TIAM1: variants seen among roughly 807,000 people sequenced by gnomAD.
The protein encoded by TIAM1 is rho guanine nucleotide exchange factor TIAM1.
TIAM1 carries 65 observed loss-of-function variants against 163.5 expected under a neutral mutation model. The observed-to-expected ratio is 0.40, with a 90% CI of 0.33 to 0.49. The LOEUF (loss-of-function observed/expected upper bound fraction) is 0.49, where lower values mean the gene tolerates loss of function less well. TIAM1 is among the 20% of genes least tolerant of loss of function. TIAM1 has a pLI of 0.77. For missense variants in TIAM1, 1,789 were observed against 2,044.7 expected, an observed-to-expected ratio of 0.87 and a Z score of 2.41; for synonymous variants, 833 against 810.1, an observed-to-expected ratio of 1.03 and a Z score of -0.48.
At chr21:31,339,523 G>A (rs2075953407) in intron 1 of TIAM1, 101 bp from the exon 2 acceptor site, 2 of 397,052 alleles carry the variant, frequency 5.0e-6, no homozygotes. Flanking sequence ...TGATAACACA[G>A]GAAAAGTACC....
intron 1 of TIAM1, among the ~76,000 whole-genome samples, chr21:31,508,387 CTT>C (rs200164021): frequency 0.047 from 5,901 of 126,412 alleles, 401 homozygotes; most frequent in African/African-American, 0.16. Flanking sequence ...ATTGAAATTT[CTT>C]TTTTTTTTTT....
chr21:31,254,550 G>T (rs2071988107), intron 4 of TIAM1, among the ~76,000 whole-genome samples: 1 of 152,106 alleles, frequency 6.6e-6, no homozygotes, highest in South Asian at 2.1e-4. Context: ...AAAAAAATCA[G>T]CCACACATGG....
chr21:31,382,813 T>C (rs374014407), intron 2 of TIAM1, among the ~76,000 whole-genome samples: 2 of 152,174 alleles, frequency 1.3e-5, no homozygotes, highest in East Asian at 1.9e-4. Flanking sequence ...CAACGACCCA[T>C]GTGTCATTAT....
chr21:31,437,721 C>G (rs1167127106), intron 2 of TIAM1, among the ~76,000 whole-genome samples: 2 of 152,050 alleles, frequency 1.3e-5, no homozygotes, highest in African/African-American at 4.8e-5. Context: ...CACCCTCTCT[C>G]TCTCTTCCAC....
chr21:31,125,343 G>A (rs1407777418), intron 26 of TIAM1, among the ~76,000 whole-genome samples: 1 of 151,962 alleles, frequency 6.6e-6, no homozygotes, highest in Non-Finnish European at 1.5e-5. Context: ...CATCCGTGTA[G>A]GCAGGGCTAC....
At chr21:31,188,018 C>A (rs941285326) in intron 13 of TIAM1, among the ~76,000 whole-genome samples, 1 of 151,774 alleles carries the variant, frequency 6.6e-6, no homozygotes, top group Non-Finnish European at 1.5e-5. Flanking sequence ...AGATACCCAT[C>A]GTAATGCTGA....
intron 1 of TIAM1, among the ~76,000 whole-genome samples, chr21:31,343,483 G>C (rs1280372990): frequency 6.6e-6 from 1 of 152,064 alleles, no homozygotes; most frequent in Non-Finnish European, 1.5e-5. Context: ...CAGAAAGACA[G>C]ACATTTAAAA....
At chr21:31,322,678 T>A (rs974603299) in intron 2 of TIAM1, among the ~76,000 whole-genome samples, 12 of 152,174 alleles carry the variant, frequency 7.9e-5, no homozygotes, top group African/African-American at 2.9e-4. Context: ...TTCTGTCACC[T>A]CCGCCACACT....
At chr21:31,497,250 T>C (rs553849752) in intron 1 of TIAM1, among the ~76,000 whole-genome samples, 1 of 152,368 alleles carries the variant, frequency 6.6e-6, no homozygotes, top group South Asian at 2.1e-4. Context: ...TCTCAGAACA[T>C]ATCCCAAGCG....
chr21:31,461,153 T>C (rs1318052060), intron 2 of TIAM1, among the ~76,000 whole-genome samples: 1 of 152,126 alleles, frequency 6.6e-6, no homozygotes, highest in African/African-American at 2.4e-5. Flanking sequence ...AGCTTTACTC[T>C]GTAAAAGAAG....
rs557243128 is a variant in TIAM1, at chr21:31,275,825, G to T, written c.-12+907C>A. ...TATTCAAGTTAACTGTGAAAGCAAG[G>T]TTTCTCTGTCGTTGGGAAGGACATT... On this transcript the variant is annotated intron_variant, in intron 3 of 27. Coordinates refer to ENST00000541036, the MANE Select transcript of TIAM1 (RefSeq NM_001353694.2). Among the ~76,000 whole-genome samples, 8 of 152,248 alleles carry T rather than the reference G, an allele frequency of 5.3e-5. No homozygotes were observed. In the East Asian group the frequency reaches 1.4e-3, roughly 26 times the overall value.
Position 31,141,613 on chromosome 21 carries a change from G to C in TIAM1, c.3476-109C>G, listed in dbSNP as rs551872787. ...CCAAGGTGCCTTTTTGCAGGACTGA[G>C]CAGAGAGTGGGTGGCAGGAAGAGGG... On this transcript the variant is annotated intron_variant, in intron 20 of 27. Transcript: ENST00000541036. The surrounding 1 kb of genome is among the most constrained non-coding windows in gnomAD (Gnocchi z 4.7). 7.9e-7 allele frequency: 1 copy of C among 1,270,944 alleles called. No individual in the cohort carries two copies. Among genetic ancestry groups the C allele is most frequent in the African/African-American group, 1.5e-5 (1 of 67,444 alleles). 78.7% of individuals were successfully genotyped at this position (1,270,944 alleles called of 1,614,324 possible). A position where few individuals can be genotyped will look rare whatever the true frequency, so the allele number is the denominator to read the frequency against.
chr21:31,485,526 G>A (rs1431303905), intron 1 of TIAM1, among the ~76,000 whole-genome samples: 1 of 152,112 alleles, frequency 6.6e-6, no homozygotes, highest in Admixed American at 6.6e-5. Context: ...CGCTAACTCT[G>A]GGATAACAGA....
intron 2 of TIAM1, among the ~76,000 whole-genome samples, chr21:31,297,659 C>T (rs2074335596): frequency 6.6e-6 from 1 of 152,230 alleles, no homozygotes; most frequent in Non-Finnish European, 1.5e-5. Context: ...GCTGGGATTA[C>T]AGGCATGAGC....
intron 2 of TIAM1, among the ~76,000 whole-genome samples, chr21:31,314,962 T>C (rs1433721263): frequency 6.6e-6 from 1 of 152,224 alleles, no homozygotes; most frequent in East Asian, 1.9e-4. Context: ...CTACCAGCTT[T>C]ATAAAGGTGG....
intron 14 of TIAM1, among the ~76,000 whole-genome samples, chr21:31,186,357 T>C: frequency 6.6e-6 from 1 of 152,168 alleles, no homozygotes; most frequent in East Asian, 1.9e-4. Context: ...TTGACCAGTG[T>C]GGACCAAAGT....
At chr21:31,374,788 A>T (rs1305033600) in intron 2 of TIAM1, among the ~76,000 whole-genome samples, 1 of 152,254 alleles carries the variant, frequency 6.6e-6, no homozygotes, top group East Asian at 1.9e-4. Context: ...GACCAAAGCG[A>T]CAACTAGCCA....
intron 2 of TIAM1, among the ~76,000 whole-genome samples, chr21:31,421,812 A>C (rs989797183): frequency 4.6e-5 from 7 of 152,122 alleles, no homozygotes; most frequent in Non-Finnish European, 1.0e-4. Context: ...CAACACAGTG[A>C]GACCCTATCT....
At chr21:31,350,221 C>T (rs947648754) in intron 2 of TIAM1, among the ~76,000 whole-genome samples, 3 of 152,070 alleles carry the variant, frequency 2.0e-5, no homozygotes, top group Admixed American at 6.5e-5. Flanking sequence ...TGAGGGTGGA[C>T]GCAGTGAGCC....
Sources: allele counts gnomAD v4.1 joint callset (sites outside exome capture counted in the v4.1 genomes callset), GRCh38; gene constraint gnomAD v4.1.1; non-coding constraint Gnocchi (gnomAD v3.1); transcripts MANE v1.5; gene names NCBI Gene and HGNC (gene_info 2026-07-23, HGNC 2026-07-21).